The following TRIM2 variants were observed in gnomAD, a reference collection of about 807,000 sequenced individuals.
TRIM2 encodes tripartite motif containing 2.
In TRIM2, 20 loss-of-function variants were observed where a neutral mutation model predicts 75.2. That is an observed-to-expected ratio of 0.27 (90% CI 0.19 to 0.39). The LOEUF is 0.39. Among genes scored for constraint, TRIM2 ranks in the 10% least tolerant of loss-of-function variants. The pLI is 1.00. For missense variants in TRIM2, 660 were observed against 990.8 expected (o/e 0.67, Z 4.48); for synonymous variants, 373 against 388.3 (o/e 0.96, Z 0.46).
chr4:153,276,585 T>C (rs761772320), intron 3 of TRIM2, among the ~76,000 whole-genome samples: 2 of 152,250 alleles, frequency 1.3e-5, no homozygotes, highest in Non-Finnish European at 1.5e-5. Context: ...GAATCCCTGA[T>C]AGTAGATTAT....
intron 1 of TRIM2, among the ~76,000 whole-genome samples, chr4:153,228,533 A>C (rs1742766358): frequency 6.6e-6 from 1 of 152,234 alleles, no homozygotes; most frequent in Non-Finnish European, 1.5e-5. Flanking sequence ...TTAGCTTCTC[A>C]ATCTTAGCCA....
At chr4:153,243,931 G>A (rs1257353648) in intron 1 of TRIM2, among the ~76,000 whole-genome samples, 1 of 150,158 alleles carries the variant, frequency 6.7e-6, no homozygotes, top group Non-Finnish European at 1.5e-5. Flanking sequence ...TGACCCTCCT[G>A]CCTCAGCCTC....
intron 6 of TRIM2, among the ~76,000 whole-genome samples, chr4:153,302,774 C>T (rs1419699480): frequency 6.6e-6 from 1 of 152,200 alleles, no homozygotes; most frequent in Non-Finnish European, 1.5e-5. Context: ...CAAAAACCAC[C>T]TTCTCTTTCA....
At chr4:153,191,832 C>A (rs562970502) in intron 1 of TRIM2, among the ~76,000 whole-genome samples, 25 of 152,328 alleles carry the variant, frequency 1.6e-4, no homozygotes, top group African/African-American at 6.0e-4. Flanking sequence ...ATAGAAGCTC[C>A]TTTTCATAAA....
chr4:153,332,802 T>G (rs550868860), intron 11 of TRIM2, among the ~76,000 whole-genome samples: 1 of 152,232 alleles, frequency 6.6e-6, no homozygotes, highest in East Asian at 1.9e-4. Flanking sequence ...TAGCTAAAAT[T>G]AAAAATATTA....
intron 1 of TRIM2, among the ~76,000 whole-genome samples, chr4:153,168,417 G>A (rs1423634603): frequency 6.6e-6 from 1 of 152,068 alleles, no homozygotes; most frequent in Non-Finnish European, 1.5e-5. Context: ...CTCTGTGGTA[G>A]GATGTTATAT....
chr4:153,244,363 CTT>C lies in TRIM2; in HGVS notation c.31-25971_31-25970del, dbSNP rs1748138687. On this transcript the variant is annotated intron_variant, in intron 1 of 11. Coordinates refer to ENST00000338700, the MANE Select transcript of TRIM2 (RefSeq NM_015271.5). The stretch of plus-strand genomic sequence containing the variant: ...TCTTCTTCTTCTTCTTCCTCTTCTT[CTT>C]CTTCTTCTTCTTCTTCTTCTTCTTC... 5.5e-5 allele frequency among the ~76,000 whole-genome samples: 2 copies of C among 36,372 alleles called. 1 individual carries two copies. The highest frequency in any genetic ancestry group is 8.8e-5 in the Non-Finnish European group (2 of 22,802). 23.9% of individuals were successfully genotyped at this position (36,372 alleles called of 152,430 possible). A position where few individuals can be genotyped will look rare whatever the true frequency, so the allele number is the denominator to read the frequency against.
At chr4:153,300,876 T>A (rs566607782) in intron 6 of TRIM2, among the ~76,000 whole-genome samples, 14 of 152,014 alleles carry the variant, frequency 9.2e-5, no homozygotes, top group African/African-American at 2.7e-4. Context: ...TTTTTTTTTT[T>A]AATTTTATTT....
At chr4:153,303,794 A>G (rs1172312608) in intron 6 of TRIM2, among the ~76,000 whole-genome samples, 1 of 152,260 alleles carries the variant, frequency 6.6e-6, no homozygotes, top group African/African-American at 2.4e-5. Flanking sequence ...TAGATTCATG[A>G]CATTCGTCAT....
upstream of TRIM2, among the ~76,000 whole-genome samples, chr4:153,200,147 G>A (rs1413864717): frequency 6.6e-6 from 1 of 152,022 alleles, no homozygotes; most frequent in South Asian, 2.1e-4. Flanking sequence ...CTCCATGTTG[G>A]CCAGGTTGGT....
chr4:153,229,834 T>C (rs1326688872), intron 1 of TRIM2, among the ~76,000 whole-genome samples: 2 of 152,268 alleles, frequency 1.3e-5, no homozygotes, highest in Non-Finnish European at 2.9e-5. Flanking sequence ...TAAATCTCGA[T>C]AGAACTAAAT....
At chr4:153,330,988 G>T (rs1320107237) in intron 11 of TRIM2, among the ~76,000 whole-genome samples, 4 of 152,138 alleles carry the variant, frequency 2.6e-5, no homozygotes, top group East Asian at 3.8e-4. Context: ...CCTAGAATAG[G>T]TGAGTTCAGC....
At chr4:153,193,222 C>T (rs1733400286) in intron 1 of TRIM2, among the ~76,000 whole-genome samples, 1 of 150,336 alleles carries the variant, frequency 6.7e-6, no homozygotes, top group Admixed American at 6.7e-5. Context: ...AGCTCTGCCT[C>T]CCAGGTTCAT....
chr4:153,326,747 A>G (rs1370456103), intron 10 of TRIM2, among the ~76,000 whole-genome samples: 2 of 152,216 alleles, frequency 1.3e-5, no homozygotes, highest in African/African-American at 4.8e-5. Context: ...CTGGGACGCC[A>G]AGGCGGACAG....
rs1772774474 is a variant in TRIM2, at chr4:153,338,936, T to C, written c.*3970T>C. The C allele has an allele frequency of 7.1e-6, 7 of 983,654 alleles. No individual in the cohort carries two copies. Among genetic ancestry groups the C allele is most frequent in the Non-Finnish European group, 7.2e-6 (6 of 829,676 alleles). 60.9% of individuals were successfully genotyped at this position (983,654 alleles called of 1,614,324 possible). Reference sequence around the variant, plus strand: ...TCAATTCTATAGACTTTCAAGCCTATGTATGAATATGAAGGGGTTTTTTTT... The same window carrying C: ...TCAATTCTATAGACTTTCAAGCCTACGTATGAATATGAAGGGGTTTTTTTT... On this transcript the variant is annotated 3_prime_UTR_variant, in exon 12 of 12. Transcript: ENST00000338700.
intron 1 of TRIM2, among the ~76,000 whole-genome samples, chr4:153,269,596 C>T (rs560969205): frequency 3.9e-5 from 6 of 152,102 alleles, no homozygotes; most frequent in African/African-American, 9.6e-5. Flanking sequence ...TCTTCAACTA[C>T]GATAGTTGGA....
intron 1 of TRIM2, among the ~76,000 whole-genome samples, chr4:153,239,010 TG>T (rs1271193825): frequency 2.0e-5 from 3 of 152,116 alleles, no homozygotes; most frequent in African/African-American, 4.8e-5. Flanking sequence ...TCATGAGAGG[TG>T]GCTGAGGCCT....
At chr4:153,244,010 G>C (rs899034781) in intron 1 of TRIM2, among the ~76,000 whole-genome samples, 6 of 151,560 alleles carry the variant, frequency 4.0e-5, no homozygotes, top group African/African-American at 1.5e-4. Context: ...TGTAGAAATG[G>C]GGTCTCCCTA....
chr4:153,308,391 T>G (rs1765500385), intron 6 of TRIM2: 1 of 915,436 alleles, frequency 1.1e-6, no homozygotes, highest in Admixed American at 1.7e-5. Flanking sequence ...GAGGGAGTCC[T>G]TGTTGGTTCC....
Sources: allele counts gnomAD v4.1 joint callset (sites outside exome capture counted in the v4.1 genomes callset), GRCh38; gene constraint gnomAD v4.1.1; transcripts MANE v1.5; gene names NCBI Gene and HGNC (gene_info 2026-07-23, HGNC 2026-07-21).